GNAQ: variants seen among roughly 807,000 people sequenced by gnomAD.
GNAQ encodes the protein G protein subunit alpha q.
Under a neutral mutation model 43.9 loss-of-function variants are expected in GNAQ, and 8 were observed. The ratio of observed to expected loss-of-function variants is 0.18; its 90% CI spans 0.11 to 0.33. GNAQ has a LOEUF of 0.33. GNAQ is among the 10% of genes least tolerant of loss of function. GNAQ has a pLI of 1.00. For missense variants in GNAQ, 158 were observed against 450.8 expected, an observed-to-expected ratio of 0.35 and a Z score of 5.88; for synonymous variants, 155 against 170.7, an observed-to-expected ratio of 0.91 and a Z score of 0.71.
At chr9:78,028,535 T>C (rs1445720090) in intron 1 of GNAQ, among the ~76,000 whole-genome samples, 1 of 152,204 alleles carries the variant, frequency 6.6e-6, no homozygotes, top group Non-Finnish European at 1.5e-5. Flanking sequence ...TCCTCTTCCA[T>C]TAAAATGGTA....
chr9:77,972,953 CAA>C (rs11356658), intron 1 of GNAQ, among the ~76,000 whole-genome samples: 28 of 62,494 alleles, frequency 4.5e-4, no homozygotes, highest in Admixed American at 7.4e-4. Flanking sequence ...GACTCCATCT[CAA>C]AAAAAAAAAA....
intron 2 of GNAQ, among the ~76,000 whole-genome samples, chr9:77,884,091 G>C (rs1828261932): frequency 6.6e-6 from 1 of 152,174 alleles, no homozygotes; most frequent in South Asian, 2.1e-4. Flanking sequence ...AGCAAATAAT[G>C]CAACAACTGA....
chr9:77,863,348 T>TAAAAC (rs1827891779), intron 2 of GNAQ, among the ~76,000 whole-genome samples: 1 of 152,230 alleles, frequency 6.6e-6, no homozygotes, highest in Non-Finnish European at 1.5e-5. Flanking sequence ...CCAGGCTCTT[T>TAAAAC]GTTAAAACAT....
chr9:77,810,712 G>T (rs1400088955), intron 3 of GNAQ, among the ~76,000 whole-genome samples: 1 of 152,094 alleles, frequency 6.6e-6, no homozygotes, highest in Admixed American at 6.6e-5. Flanking sequence ...CTATTATTTC[G>T]TGAAACAATC....
intron 1 of GNAQ, among the ~76,000 whole-genome samples, chr9:78,011,751 T>C (rs1177060786): frequency 6.6e-6 from 1 of 152,134 alleles, no homozygotes; most frequent in Admixed American, 6.5e-5. Context: ...GACAAGAGAT[T>C]TGGGCAAACC....
intron 2 of GNAQ, among the ~76,000 whole-genome samples, chr9:77,823,810 C>A (rs1027840779): frequency 2.0e-5 from 3 of 152,180 alleles, no homozygotes; most frequent in Admixed American, 1.3e-4. Flanking sequence ...CTTCCCCCAA[C>A]AAGTGGGGAT....
chr9:77,966,406 G>A (rs545911768), intron 1 of GNAQ, among the ~76,000 whole-genome samples: 3 of 152,214 alleles, frequency 2.0e-5, no homozygotes, highest in Non-Finnish European at 2.9e-5. Flanking sequence ...TACTAGGATC[G>A]TATTACCTAC....
chr9:77,883,870 T>C (rs1006049300), intron 2 of GNAQ, among the ~76,000 whole-genome samples: 4 of 152,234 alleles, frequency 2.6e-5, no homozygotes, highest in African/African-American at 9.6e-5. Context: ...CAAAGTAGTT[T>C]TGATAATTCA....
intron 2 of GNAQ, among the ~76,000 whole-genome samples, chr9:77,852,253 T>C (rs767754855): frequency 6.6e-6 from 1 of 152,102 alleles, no homozygotes; most frequent in Non-Finnish European, 1.5e-5. Context: ...AGAATAAAAC[T>C]CTCCATTCTG....
intron 6 of GNAQ, 64 bp downstream of exon 6, chr9:77,728,450 A>T (rs1448882534): frequency 1.7e-6 from 2 of 1,159,896 alleles, no homozygotes; most frequent in African/African-American, 1.5e-5. Context: ...GTTAACTCCC[A>T]CACTGGGGTT....
intron 5 of GNAQ, among the ~76,000 whole-genome samples, chr9:77,784,186 T>G (rs2118412244): frequency 6.6e-6 from 1 of 152,288 alleles, no homozygotes; most frequent in Non-Finnish European, 1.5e-5. Context: ...TGGTATATTT[T>G]TATGAGCCAA....
intron 2 of GNAQ, among the ~76,000 whole-genome samples, chr9:77,884,362 A>C (rs1205114453): frequency 6.6e-6 from 1 of 152,188 alleles, no homozygotes; most frequent in African/African-American, 2.4e-5. Context: ...ATTTTGCCTG[A>C]CTTCTCTGTT....
At chr9:77,917,441 C>T (rs1272584888) in intron 2 of GNAQ, among the ~76,000 whole-genome samples, 2 of 151,968 alleles carry the variant, frequency 1.3e-5, no homozygotes, top group African/African-American at 4.8e-5. Flanking sequence ...ACAAAATAAT[C>T]TGTACACCAA....
chr9:77,883,647 C>G (rs1005533025), intron 2 of GNAQ, among the ~76,000 whole-genome samples: 2 of 151,740 alleles, frequency 1.3e-5, no homozygotes, highest in African/African-American at 4.8e-5. Flanking sequence ...GCCCCCGCCC[C>G]CACTCTCCTC....
At chr9:77,921,941 C>T (rs1407325397) in intron 2 of GNAQ, among the ~76,000 whole-genome samples, 3 of 152,134 alleles carry the variant, frequency 2.0e-5, no homozygotes, top group Non-Finnish European at 4.4e-5. Context: ...ACTAAAAATA[C>T]AAATCTGGTT....
At chr9:77,923,498 T>C (rs1829027556) in intron 1 of GNAQ, among the ~76,000 whole-genome samples, 1 of 152,150 alleles carries the variant, frequency 6.6e-6, no homozygotes, top group Non-Finnish European at 1.5e-5. Flanking sequence ...TGACAGCATA[T>C]TTCTCCTACA....
At chr9:78,031,041 G>A (rs1824051369) in intron 1 of GNAQ, 59 bp downstream of exon 1, 11 of 1,259,104 alleles carry the variant, frequency 8.7e-6, no homozygotes, top group African/African-American at 1.6e-5. Flanking sequence ...CTGCCCCGCA[G>A]GGCCAAGGAT....
At chr9:77,890,407 G>A (rs1025171413) in intron 2 of GNAQ, among the ~76,000 whole-genome samples, 14 of 152,172 alleles carry the variant, frequency 9.2e-5, no homozygotes, top group Admixed American at 8.5e-4. Flanking sequence ...ATAGAAATAT[G>A]AGAATTAGAA....
chr9:77,828,071 AAAAAAAAAAAAAAAAAAAAAAAG>A (rs1827232754), intron 2 of GNAQ, among the ~76,000 whole-genome samples: 10 of 130,764 alleles, frequency 7.6e-5, no homozygotes, highest in Non-Finnish European at 9.6e-5. Context: ...AAAAAAAAAA[AAAAAAAAAAAAAAAAAAAAAAAG>A]AAGGGGCAGT....
Sources: gnomAD v4.1 joint callset for allele counts (sites outside exome capture counted in the v4.1 genomes callset) on GRCh38, gnomAD v4.1.1 for gene constraint, MANE v1.5 for transcripts, NCBI Gene and HGNC (gene_info 2026-07-23, HGNC 2026-07-21) for gene names.